ADORA1: variants seen among roughly 807,000 people sequenced by gnomAD.
ADORA1 encodes the protein adenosine A1 receptor.
In ADORA1, 6 loss-of-function variants were observed where a neutral mutation model predicts 19.9. The ratio of observed to expected loss-of-function variants is 0.30; its 90% CI spans 0.17 to 0.59. The LOEUF is 0.59. ADORA1 is among the 20% of genes least tolerant of loss of function. The probability of loss-of-function intolerance (pLI) is 0.87; values close to 1 mark genes in which losing one functional copy is unlikely to be tolerated. For missense variants in ADORA1, 302 were observed against 439.2 expected (o/e 0.69, Z 2.79); for synonymous variants, 194 against 188.4 (o/e 1.03, Z -0.24).
chr1:203,147,294 T>G (rs1453065904), intron 3 of ADORA1, among the ~76,000 whole-genome samples: 1 of 152,132 alleles, frequency 6.6e-6, no homozygotes, highest in Non-Finnish European at 1.5e-5. Context: ...CCCTCTCTTC[T>G]CCCATCCTGG....
chr1:203,165,035 C>G lies in ADORA1; in HGVS notation c.342-226C>G. 1 of 1,548,188 alleles carries G rather than the reference C, an allele frequency of 6.5e-7. No individual in the cohort carries two copies. The highest frequency in any genetic ancestry group is 8.7e-7 in the Non-Finnish European group (1 of 1,145,854). On this transcript the variant is annotated intron_variant, in intron 3 of 3. Coordinates refer to ENST00000337894, the MANE Select transcript of ADORA1 (RefSeq NM_000674.3). The surrounding 1 kb of genome is among the most constrained non-coding windows in gnomAD (Gnocchi z 5.9). ...TTCTATTATTATTTTTGTCATTAAT[C>G]AGGATTTCCTCTCTCTGTAGGAGAA...
Position 203,128,218 on chromosome 1 carries a change from GCT to G in ADORA1, c.-212-59_-212-58del. 1.2e-6 allele frequency: 1 copy of G among 826,396 alleles called. No individual in the cohort carries two copies. Among genetic ancestry groups the G allele is most frequent in the Non-Finnish European group, 1.7e-6 (1 of 604,412 alleles). The allele number at this position is 826,396 out of a possible 1,614,324, so 51.2% of individuals were successfully genotyped here. A position where few individuals can be genotyped will look rare whatever the true frequency, so the allele number is the denominator to read the frequency against. On this transcript the variant is annotated intron_variant, in intron 1 of 3. Transcript: ENST00000337894. The surrounding 1 kb of genome is among the most constrained non-coding windows in gnomAD (Gnocchi z 5.9). ...CCAGTCCCAGGTGCGAAACAGGGGC[GCT>G]ACCTCTTTAAAAGCGTCCGGGGCTG...
chr1:203,140,912 G>A (rs1275140288), intron 3 of ADORA1, among the ~76,000 whole-genome samples: 1 of 152,212 alleles, frequency 6.6e-6, no homozygotes, highest in Non-Finnish European at 1.5e-5. Context: ...CCTGGCCTCT[G>A]CATGCCTCCA....
chr1:203,132,678 A>G (rs1229298004), intron 3 of ADORA1, among the ~76,000 whole-genome samples: 1 of 152,120 alleles, frequency 6.6e-6, no homozygotes, highest in East Asian at 1.9e-4. Flanking sequence ...CCCCATCACT[A>G]CTAAAAATAC....
At chr1:203,138,318 G>A (rs1248338028) in intron 3 of ADORA1, among the ~76,000 whole-genome samples, 3 of 152,154 alleles carry the variant, frequency 2.0e-5, no homozygotes, top group Non-Finnish European at 2.9e-5. Context: ...AGGCCTGGGC[G>A]GGTGGTTGTA....
At chr1:203,135,991 C>T (rs549624337) in intron 3 of ADORA1, among the ~76,000 whole-genome samples, 4 of 152,264 alleles carry the variant, frequency 2.6e-5, no homozygotes, top group Admixed American at 6.5e-5. Context: ...CTGAAGGCCT[C>T]GGCATCCTGA....
At position 203,128,362 on chromosome 1, in the gene ADORA1, C is replaced by T; in HGVS notation, c.-128C>T. On this transcript the variant is annotated 5_prime_UTR_variant, in exon 2 of 4. Coordinates refer to ENST00000337894, the MANE Select transcript of ADORA1 (RefSeq NM_000674.3). The surrounding 1 kb of genome is among the most constrained non-coding windows in gnomAD (Gnocchi z 5.9). Reference sequence around the variant, plus strand: ...GAGCCCAGCCCAGCCCTACCGCGCGCGGCCCGGAGCTCTGTTCCCTGGAAC... The same window carrying T: ...GAGCCCAGCCCAGCCCTACCGCGCGTGGCCCGGAGCTCTGTTCCCTGGAAC... 7.8e-7 allele frequency: 1 copy of T among 1,290,142 alleles called. No individual in the cohort carries two copies. Among genetic ancestry groups the T allele is most frequent in the Non-Finnish European group, 1.0e-6 (1 of 989,274 alleles). The allele number at this position is 1,290,142 out of a possible 1,614,324, so 79.9% of individuals were successfully genotyped here.
chr1:203,156,197 A>G (rs1655193224), intron 3 of ADORA1, among the ~76,000 whole-genome samples: 1 of 152,148 alleles, frequency 6.6e-6, no homozygotes, highest in Non-Finnish European at 1.5e-5. Flanking sequence ...CTAATAATAA[A>G]TGTATAGATA....
At chr1:203,139,996 G>A (rs1282511360) in intron 3 of ADORA1, among the ~76,000 whole-genome samples, 1 of 152,200 alleles carries the variant, frequency 6.6e-6, no homozygotes, top group African/African-American at 2.4e-5. Context: ...ACATAATTCA[G>A]ATTACATTTT....
chr1:203,149,682 G>T (rs1654972054), intron 3 of ADORA1, among the ~76,000 whole-genome samples: 1 of 152,232 alleles, frequency 6.6e-6, no homozygotes, highest in Admixed American at 6.5e-5. Flanking sequence ...AGGCCCCTCA[G>T]CTGTGACTGT....
intron 3 of ADORA1, chr1:203,129,685 C>T (rs1173233207): frequency 6.4e-6 from 1 of 155,984 alleles, no homozygotes; most frequent in East Asian, 1.9e-4. Flanking sequence ...CGCTTTGGCT[C>T]TCTCATTCAC....
At chr1:203,134,834 G>T (rs966811735) in intron 3 of ADORA1, among the ~76,000 whole-genome samples, 3 of 152,116 alleles carry the variant, frequency 2.0e-5, no homozygotes, top group Non-Finnish European at 4.4e-5. Flanking sequence ...TTTACATATT[G>T]AGAACATCTA....
At chr1:203,142,192 CTGT>C (rs755498615) in intron 3 of ADORA1, among the ~76,000 whole-genome samples, 4 of 152,218 alleles carry the variant, frequency 2.6e-5, no homozygotes, top group Non-Finnish European at 4.4e-5. Flanking sequence ...GGGGCTGTTA[CTGT>C]TGTTAAATAA....
intron 3 of ADORA1, among the ~76,000 whole-genome samples, chr1:203,163,738 C>T (rs968603375): frequency 1.3e-5 from 2 of 152,176 alleles, no homozygotes; most frequent in Non-Finnish European, 2.9e-5. Context: ...CCCCTATAGC[C>T]TTCACAGAGC....
Position 203,153,657 on chromosome 1 carries a change from G to A in ADORA1, c.342-11604G>A, listed in dbSNP as rs189925106. On this transcript the variant is annotated intron_variant, in intron 3 of 3. Coordinates refer to ENST00000337894, the MANE Select transcript of ADORA1 (RefSeq NM_000674.3). ...GTGATGCCACAGAGCCCCTCACAGCGGGATTCAAGGCAGGATTCTTAGGCC... is the reference window on the plus strand; with the variant it reads ...GTGATGCCACAGAGCCCCTCACAGCAGGATTCAAGGCAGGATTCTTAGGCC... 8.5e-5 allele frequency among the ~76,000 whole-genome samples: 13 copies of A among 152,218 alleles called. No individual in the cohort carries two copies. In the East Asian group the frequency reaches 1.4e-3, roughly 16 times the overall value.
At chr1:203,132,220 C>T (rs1247642622) in intron 3 of ADORA1, among the ~76,000 whole-genome samples, 1 of 152,136 alleles carries the variant, frequency 6.6e-6, no homozygotes, top group African/African-American at 2.4e-5. Context: ...GCCCTATTCC[C>T]CTCAGCTCCT....
At chr1:203,160,693 C>T (rs548744915) in intron 3 of ADORA1, among the ~76,000 whole-genome samples, 1 of 152,204 alleles carries the variant, frequency 6.6e-6, no homozygotes, top group Non-Finnish European at 1.5e-5. Flanking sequence ...ACACACTTGT[C>T]CCAGCTACTC....
chr1:203,128,300 G>T lies in ADORA1; in HGVS notation c.-190G>T, dbSNP rs1571776379. The T allele has an allele frequency of 3.1e-6, 4 of 1,275,644 alleles. No individual in the cohort carries two copies. The highest frequency in any genetic ancestry group is 1.5e-5 in the African/African-American group (1 of 65,544). 79.0% of individuals were successfully genotyped at this position (1,275,644 alleles called of 1,614,324 possible). The stretch of plus-strand genomic sequence containing the variant: ...AAGGCCGGGCTGGGAGCGCTGCGGC[G>T]GGAGCCGGAGGACTATGAGCTGCCG... On this transcript the variant is annotated 5_prime_UTR_variant, in exon 2 of 4. Transcript: ENST00000337894. The surrounding 1 kb of genome is among the most constrained non-coding windows in gnomAD (Gnocchi z 5.9).
chr1:203,165,193 G>A lies in ADORA1; in HGVS notation c.342-68G>A, dbSNP rs750524435. The A allele has an allele frequency of 4.7e-5, 75 of 1,601,870 alleles. No homozygotes were observed. The highest frequency in any genetic ancestry group is 2.0e-4 in the East Asian group (9 of 44,594). ...TCTTAGAGGCCCCTGGAGGCCAGGCGTGCCTCAGAGGGGCCTTTCGAGGCA... is the reference window on the plus strand; with the variant it reads ...TCTTAGAGGCCCCTGGAGGCCAGGCATGCCTCAGAGGGGCCTTTCGAGGCA... On this transcript the variant is annotated intron_variant, in intron 3 of 3. Transcript: ENST00000337894. The surrounding 1 kb of genome is among the most constrained non-coding windows in gnomAD (Gnocchi z 5.9).
Sources: gnomAD v4.1 joint callset for allele counts (sites outside exome capture counted in the v4.1 genomes callset) on GRCh38, gnomAD v4.1.1 for gene constraint, Gnocchi (gnomAD v3.1) non-coding constraint, MANE v1.5 for transcripts, NCBI Gene and HGNC (gene_info 2026-07-23, HGNC 2026-07-21) for gene names.